The following PPP1R9A variants were observed in gnomAD, a reference collection of about 807,000 sequenced individuals.
The protein encoded by PPP1R9A is neurabin-1.
A neutral mutation model predicts 141.9 loss-of-function variants in PPP1R9A; 59 were observed. The ratio of observed to expected loss-of-function variants is 0.42; its 90% CI spans 0.34 to 0.52. The LOEUF (loss-of-function observed/expected upper bound fraction) is 0.52. PPP1R9A is among the 20% of genes least tolerant of loss of function. PPP1R9A has a pLI of 0.10. For synonymous variants in PPP1R9A, 500 were observed against 569.7 expected (o/e 0.88, Z 1.74); for missense variants, 1,444 against 1,611.9 (o/e 0.90, Z 1.78).
chr7:95,176,510 CAAG>C (rs917532732), intron 5 of PPP1R9A: 65 of 152,568 alleles, frequency 4.3e-4, no homozygotes, highest in African/African-American at 1.5e-3. Flanking sequence ...GGATCCAAAC[CAAG>C]AAGAAATCCC....
chr7:95,268,747 G>A (rs1199121148), intron 13 of PPP1R9A, 40 bp downstream of exon 13: 1 of 1,595,334 alleles, frequency 6.3e-7, no homozygotes, highest in Non-Finnish European at 8.6e-7. Context: ...TACTGTTGGA[G>A]TATATCATTG....
At chr7:95,023,168 T>G (rs1205473581) in intron 2 of PPP1R9A, among the ~76,000 whole-genome samples, 1 of 152,192 alleles carries the variant, frequency 6.6e-6, no homozygotes, top group Non-Finnish European at 1.5e-5. Flanking sequence ...TTGTTATTGG[T>G]CTATTCAGTG....
At chr7:94,944,123 A>T (rs896095751) in intron 2 of PPP1R9A, among the ~76,000 whole-genome samples, 2 of 152,154 alleles carry the variant, frequency 1.3e-5, no homozygotes. Flanking sequence ...TGAGATATCC[A>T]TCACGTTATA....
chr7:95,138,001 C>T lies in PPP1R9A; in HGVS notation c.1649+17169C>T, dbSNP rs182949580. Reference sequence around the variant, plus strand: ...AGGCTGGAGTGCAGTGGCGCGATCTCGGCTCACTGCGAACCCCGCCTCCCA... The same window carrying T: ...AGGCTGGAGTGCAGTGGCGCGATCTTGGCTCACTGCGAACCCCGCCTCCCA... On this transcript the variant is annotated intron_variant, in intron 4 of 19. Coordinates refer to ENST00000433360, the MANE Select transcript of PPP1R9A (RefSeq NM_001166160.2). 8.0e-3 allele frequency among the ~76,000 whole-genome samples: 1,197 copies of T among 148,708 alleles called. 13 individuals are homozygous for T. The highest frequency in any genetic ancestry group is 0.027 in the African/African-American group (1,071 of 40,130).
rs911548887 is a variant in PPP1R9A at position 95,181,229 on chromosome 7, AATAT to A, written c.1755-17114_1755-17111del. On this transcript the variant is annotated intron_variant, in intron 5 of 19. Transcript: ENST00000433360. ...TAGAATATATAGAGAAAATATATAG[AATAT>A]ATATAGTATATAGAGAATATATATA... is the stretch of plus-strand genomic sequence containing the variant. 4.8e-5 allele frequency among the ~76,000 whole-genome samples: 7 copies of A among 145,030 alleles called. No homozygotes were observed. The Admixed American group carries it at 5.0e-4, about 10-fold the overall frequency.
chr7:95,212,634 A>G (rs1468790501), intron 7 of PPP1R9A, among the ~76,000 whole-genome samples: 2 of 152,198 alleles, frequency 1.3e-5, no homozygotes, highest in Non-Finnish European at 2.9e-5. Flanking sequence ...CCTGGAAGGC[A>G]GTCATGTCAG....
chr7:94,945,689 A>G (rs1354951967), intron 2 of PPP1R9A, among the ~76,000 whole-genome samples: 2 of 152,220 alleles, frequency 1.3e-5, no homozygotes, highest in South Asian at 2.1e-4. Flanking sequence ...AAAAGAATCA[A>G]TAAAGATATA....
intron 7 of PPP1R9A, among the ~76,000 whole-genome samples, chr7:95,220,105 G>C (rs571842280): frequency 1.3e-5 from 2 of 152,160 alleles, no homozygotes; most frequent in Admixed American, 6.6e-5. Flanking sequence ...GAGACTAAGT[G>C]TACTAACATT....
chr7:94,922,044 G>A (rs1438151109), intron 2 of PPP1R9A, among the ~76,000 whole-genome samples: 1 of 150,670 alleles, frequency 6.6e-6, no homozygotes, highest in African/African-American at 2.4e-5. Flanking sequence ...TTAGCGTCTA[G>A]AATTACCTAT....
intron 2 of PPP1R9A, among the ~76,000 whole-genome samples, chr7:95,109,611 T>C (rs1412688117): frequency 2.0e-5 from 3 of 152,082 alleles, no homozygotes; most frequent in African/African-American, 7.2e-5. Context: ...GAGGCCAAGA[T>C]GGGAGGATTG....
intron 12 of PPP1R9A, among the ~76,000 whole-genome samples, chr7:95,263,381 C>T (rs188684415): frequency 6.6e-6 from 1 of 151,992 alleles, no homozygotes; most frequent in Non-Finnish European, 1.5e-5. Flanking sequence ...TGTAAGTAAG[C>T]ACTATATCAG....
At chr7:95,107,391 T>G (rs1013780221) in intron 2 of PPP1R9A, among the ~76,000 whole-genome samples, 2 of 152,164 alleles carry the variant, frequency 1.3e-5, no homozygotes, top group African/African-American at 2.4e-5. Flanking sequence ...TAGAAGTTTT[T>G]GGGCTTTATT....
At chr7:95,005,402 T>A (rs1444701808) in intron 2 of PPP1R9A, among the ~76,000 whole-genome samples, 1 of 152,162 alleles carries the variant, frequency 6.6e-6, no homozygotes, top group Non-Finnish European at 1.5e-5. Context: ...GTATTGAACT[T>A]TTGTCTTACA....
intron 9 of PPP1R9A, among the ~76,000 whole-genome samples, chr7:95,249,647 A>T (rs1360944288): frequency 6.6e-6 from 1 of 151,890 alleles, no homozygotes; most frequent in Admixed American, 6.6e-5. Context: ...TTTTTAGTTA[A>T]TTTTTTATAT....
At chr7:95,104,132 A>G (rs192680205) in intron 2 of PPP1R9A, among the ~76,000 whole-genome samples, 40 of 152,376 alleles carry the variant, frequency 2.6e-4, no homozygotes, top group Admixed American at 1.6e-3. Context: ...TGTTGAAGAT[A>G]CAGGGGTTAG....
At chr7:94,947,120 T>G (rs1344907317) in intron 2 of PPP1R9A, among the ~76,000 whole-genome samples, 1 of 152,210 alleles carries the variant, frequency 6.6e-6, no homozygotes, top group Non-Finnish European at 1.5e-5. Context: ...TGAAAGTTGT[T>G]ACTTTATAGA....
chr7:95,273,042 G>A lies in PPP1R9A; in HGVS notation c.3125-857G>A, dbSNP rs115280624. Among the ~76,000 whole-genome samples, 1,399 of 152,270 alleles carry A rather than the reference G, an allele frequency of 9.2e-3. 20 individuals carry two copies. Among genetic ancestry groups the A allele is most frequent in the African/African-American group, 0.032 (1,346 of 41,558 alleles). On this transcript the variant is annotated intron_variant, in intron 14 of 19. Coordinates refer to ENST00000433360, the MANE Select transcript of PPP1R9A (RefSeq NM_001166160.2). ...GTTTGGGTAGAGCCTGTCCGAGATG[G>A]AACAAGTGCCACCAGTGGAATTGGT...
chr7:95,118,902 A>G (rs1822004742), intron 3 of PPP1R9A, among the ~76,000 whole-genome samples: 1 of 151,554 alleles, frequency 6.6e-6, no homozygotes, highest in African/African-American at 2.4e-5. Flanking sequence ...GGATCACCAG[A>G]ACCCAGGAGG....
At chr7:94,922,135 T>G (rs2150730884) in intron 2 of PPP1R9A, among the ~76,000 whole-genome samples, 1 of 149,932 alleles carries the variant, frequency 6.7e-6, no homozygotes, top group South Asian at 2.1e-4. Context: ...ATATTTAAAT[T>G]AATTAAAAAT....
Sources: gnomAD v4.1 joint callset for allele counts (sites outside exome capture counted in the v4.1 genomes callset) on GRCh38, gnomAD v4.1.1 for gene constraint, MANE v1.5 for transcripts, NCBI Gene and HGNC (gene_info 2026-07-23, HGNC 2026-07-21) for gene names.